Variants in COL19A1 observed in about 807,000 individuals in gnomAD.
The protein encoded by COL19A1 is collagen type XIX alpha 1 chain.
COL19A1 carries 159 observed loss-of-function variants against 190.2 expected under a neutral mutation model. That is an observed-to-expected ratio of 0.84 (90% CI 0.73 to 0.95). The LOEUF (loss-of-function observed/expected upper bound fraction) is 0.95, where lower values mean the gene tolerates loss of function less well. Among genes scored for constraint, COL19A1 ranks in the 40% least tolerant of loss-of-function variants. The pLI is 0.00. For synonymous variants in COL19A1, 509 were observed against 458.9 expected (o/e 1.11, Z -1.39); for missense variants, 1,418 against 1,431.9 (o/e 0.99, Z 0.16).
At chr6:69,899,601 GA>G (rs1164461230) in intron 3 of COL19A1, among the ~76,000 whole-genome samples, 4 of 151,370 alleles carry the variant, frequency 2.6e-5, no homozygotes, top group African/African-American at 7.3e-5. Flanking sequence ...TTTGGAAGAA[GA>G]AAAAAAAATT....
intron 7 of COL19A1, among the ~76,000 whole-genome samples, chr6:69,935,719 T>A (rs529219836): frequency 1.2e-4 from 19 of 152,018 alleles, no homozygotes; most frequent in Non-Finnish European, 2.4e-4. Context: ...TTTTTTTTAT[T>A]TCTTATTTCC....
At chr6:69,902,830 A>C (rs1364701274) in intron 4 of COL19A1, among the ~76,000 whole-genome samples, 1 of 152,188 alleles carries the variant, frequency 6.6e-6, no homozygotes, top group Admixed American at 6.5e-5. Flanking sequence ...CTCTCACGCC[A>C]GGGGGCCACA....
intron 2 of COL19A1, among the ~76,000 whole-genome samples, chr6:69,881,991 G>A (rs991854114): frequency 2.0e-5 from 3 of 152,176 alleles, no homozygotes; most frequent in Non-Finnish European, 4.4e-5. Flanking sequence ...ACCTGCGCGT[G>A]TGGTCACTAA....
chr6:70,181,869 G>A (rs1766199772), intron 44 of COL19A1, among the ~76,000 whole-genome samples: 1 of 152,062 alleles, frequency 6.6e-6, no homozygotes, highest in African/African-American at 2.4e-5. Context: ...AGCCCGATGG[G>A]GTCCAGGACC....
chr6:70,103,577 C>T (rs1394051383), intron 16 of COL19A1, among the ~76,000 whole-genome samples: 1 of 152,214 alleles, frequency 6.6e-6, no homozygotes, highest in Non-Finnish European at 1.5e-5. Flanking sequence ...CTATGCCCTT[C>T]CTTCTTTTGT....
chr6:70,160,763 CTATT>C (rs531480292), intron 34 of COL19A1, among the ~76,000 whole-genome samples: 38 of 152,222 alleles, frequency 2.5e-4, no homozygotes, highest in South Asian at 4.1e-4. Flanking sequence ...TAAAACTTAT[CTATT>C]TGTCGTGATA....
At chr6:70,127,674 G>T (rs56179051) in intron 17 of COL19A1, among the ~76,000 whole-genome samples, 12,716 of 152,138 alleles carry the variant, frequency 0.084, 602 homozygotes, top group Middle Eastern at 0.13. Context: ...AAGGTGAAAG[G>T]CACGTCTAAC....
chr6:70,017,879 A>G (rs985820383), intron 11 of COL19A1, among the ~76,000 whole-genome samples: 1 of 152,138 alleles, frequency 6.6e-6, no homozygotes, highest in African/African-American at 2.4e-5. Flanking sequence ...TGAGGACCAA[A>G]TAAGGTACAA....
intron 14 of COL19A1, among the ~76,000 whole-genome samples, chr6:70,038,970 T>C (rs925909772): frequency 2.0e-5 from 3 of 152,056 alleles, no homozygotes; most frequent in African/African-American, 7.2e-5. Flanking sequence ...GTCAGGGGAA[T>C]TGCTCGAACC....
chr6:69,901,317 T>A (rs186886927), intron 4 of COL19A1, among the ~76,000 whole-genome samples: 99 of 152,362 alleles, frequency 6.5e-4, no homozygotes, highest in African/African-American at 2.3e-3. Flanking sequence ...TGCTCAGACG[T>A]TCTGTGTAAA....
At position 69,962,809 on chromosome 6, in the gene COL19A1, A is replaced by G. The variant is rs939119442; in HGVS notation, c.982-17A>G. ...TATCATTTTTATTACTATACACATC[A>G]TATTCCTCTTCTACAGGGAGAGCAA... On this transcript the variant is annotated splice_polypyrimidine_tract_variant and intron_variant, in intron 10 of 50. Coordinates refer to ENST00000620364, the MANE Select transcript of COL19A1 (RefSeq NM_001858.6). The G allele has an allele frequency of 6.3e-7, 1 of 1,585,332 alleles. No individual in the cohort carries two copies. Among genetic ancestry groups the G allele is most frequent in the African/African-American group, 1.3e-5 (1 of 74,126 alleles).
At chr6:70,086,980 C>A (rs76982939) in intron 15 of COL19A1, among the ~76,000 whole-genome samples, 10,903 of 143,754 alleles carry the variant, frequency 0.076, 418 homozygotes, top group African/African-American at 0.092. Context: ...TGGGCCAAAT[C>A]TGGTGTACCA....
chr6:69,903,734 G>A (rs1410623283), intron 4 of COL19A1, among the ~76,000 whole-genome samples: 2 of 152,170 alleles, frequency 1.3e-5, no homozygotes, highest in Non-Finnish European at 2.9e-5. Context: ...GGCCCTAACT[G>A]AAACTATCTG....
At chr6:70,056,751 G>T (rs975570641) in intron 14 of COL19A1, among the ~76,000 whole-genome samples, 1 of 151,948 alleles carries the variant, frequency 6.6e-6, no homozygotes, top group Non-Finnish European at 1.5e-5. Flanking sequence ...AAAAAGAGAC[G>T]ATACTTCAAT....
At chr6:69,944,337 A>T (rs1223098980) in intron 9 of COL19A1, among the ~76,000 whole-genome samples, 1 of 152,128 alleles carries the variant, frequency 6.6e-6, no homozygotes, top group African/African-American at 2.4e-5. Flanking sequence ...ATAGAACAAC[A>T]CATAAATAAT....
At chr6:70,162,845 C>A (rs147552707) in intron 35 of COL19A1, among the ~76,000 whole-genome samples, 1 of 152,032 alleles carries the variant, frequency 6.6e-6, no homozygotes, top group Non-Finnish European at 1.5e-5. Context: ...AAATTAAAAA[C>A]GATGAAAAAG....
chr6:69,935,443 A>G (rs965398049), intron 7 of COL19A1, among the ~76,000 whole-genome samples: 1 of 152,102 alleles, frequency 6.6e-6, no homozygotes, highest in Non-Finnish European at 1.5e-5. Flanking sequence ...CTGGAAAGCC[A>G]TGAGGTAAGA....
chr6:70,187,242 C>A (rs973273256), intron 46 of COL19A1, among the ~76,000 whole-genome samples: 3 of 152,144 alleles, frequency 2.0e-5, no homozygotes, highest in African/African-American at 7.2e-5. Context: ...CATCCTCCCC[C>A]CAGTCACCTG....
At chr6:70,091,029 T>G (rs746131482) in intron 15 of COL19A1, among the ~76,000 whole-genome samples, 2 of 152,194 alleles carry the variant, frequency 1.3e-5, no homozygotes, top group Non-Finnish European at 1.5e-5. Context: ...GATTTTTCTA[T>G]CTAAAACAGC....
Sources: gnomAD v4.1 joint callset for allele counts (sites outside exome capture counted in the v4.1 genomes callset) on GRCh38, gnomAD v4.1.1 for gene constraint, MANE v1.5 for transcripts, NCBI Gene and HGNC (gene_info 2026-07-23, HGNC 2026-07-21) for gene names.